The following BCL2 variants were observed in gnomAD, a reference collection of about 807,000 sequenced individuals.
The protein encoded by BCL2 is BCL2 apoptosis regulator, also known as apoptosis regulator Bcl-2.
BCL2 carries 1 observed loss-of-function variant against 14.2 expected under a neutral mutation model. The observed-to-expected ratio is 0.07, with a 90% CI of 0.02 to 0.33. The LOEUF (loss-of-function observed/expected upper bound fraction) is 0.33. Ranked by LOEUF, BCL2 falls within the 10% of genes least tolerant of loss-of-function variation. The probability of loss-of-function intolerance (pLI) is 0.99; values close to 1 mark genes in which losing one functional copy is unlikely to be tolerated. For missense variants in BCL2, 247 were observed against 305.9 expected (o/e 0.81, Z 1.44); for synonymous variants, 151 against 137.2 (o/e 1.10, Z -0.70).
intron 2 of BCL2, among the ~76,000 whole-genome samples, chr18:63,299,868 A>C (rs1912910269): frequency 6.8e-6 from 1 of 147,244 alleles, no homozygotes; most frequent in Non-Finnish European, 1.5e-5. Context: ...GCCAAACGGC[A>C]CCTTCTCTGT....
chr18:63,237,436 C>T (rs1054713683), intron 2 of BCL2, among the ~76,000 whole-genome samples: 2 of 152,202 alleles, frequency 1.3e-5, no homozygotes, highest in Admixed American at 1.3e-4. Context: ...GATCGCATGT[C>T]TGAGATGATT....
At chr18:63,159,339 CA>C (rs1218402819) in intron 2 of BCL2, among the ~76,000 whole-genome samples, 2 of 152,332 alleles carry the variant, frequency 1.3e-5, no homozygotes, top group African/African-American at 4.8e-5. Flanking sequence ...AAGACATCAA[CA>C]TTAACTCTGT....
At chr18:63,138,534 C>G (rs1914270974) in intron 2 of BCL2, among the ~76,000 whole-genome samples, 1 of 152,250 alleles carries the variant, frequency 6.6e-6, no homozygotes, top group Admixed American at 6.5e-5. Context: ...ACACAGCTGC[C>G]TGGGCCGGAG....
chr18:63,275,520 A>G (rs902761945), intron 2 of BCL2, among the ~76,000 whole-genome samples: 2 of 152,220 alleles, frequency 1.3e-5, no homozygotes, highest in African/African-American at 4.8e-5. Flanking sequence ...CACAGCCGTG[A>G]CCCTTTTCTT....
At chr18:63,247,163 C>T (rs893805822) in intron 2 of BCL2, among the ~76,000 whole-genome samples, 1 of 151,620 alleles carries the variant, frequency 6.6e-6, no homozygotes, top group Non-Finnish European at 1.5e-5. Flanking sequence ...AGTACACATA[C>T]ACACGCACAT....
At chr18:63,196,453 T>C (rs1357668784) in intron 2 of BCL2, among the ~76,000 whole-genome samples, 1 of 152,178 alleles carries the variant, frequency 6.6e-6, no homozygotes, top group Admixed American at 6.5e-5. Context: ...CTTAGTCACT[T>C]GGTTACTAAA....
chr18:63,189,440 G>T (rs1267207829), intron 2 of BCL2, among the ~76,000 whole-genome samples: 5 of 152,080 alleles, frequency 3.3e-5, no homozygotes, highest in African/African-American at 7.2e-5. Context: ...CCTAGGTTAG[G>T]TATATCAAGT....
intron 2 of BCL2, among the ~76,000 whole-genome samples, chr18:63,281,262 T>C (rs1912299824): frequency 6.6e-6 from 1 of 152,160 alleles, no homozygotes; most frequent in African/African-American, 2.4e-5. Context: ...GATGGATGCA[T>C]GACATTGTGA....
chr18:63,255,643 G>A (rs988172154), intron 2 of BCL2, among the ~76,000 whole-genome samples: 1 of 152,054 alleles, frequency 6.6e-6, no homozygotes, highest in Non-Finnish European at 1.5e-5. Flanking sequence ...CTAAACTTGG[G>A]CTACTCACTT....
chr18:63,170,654 C>T (rs749482034), intron 2 of BCL2, among the ~76,000 whole-genome samples: 1 of 152,206 alleles, frequency 6.6e-6, no homozygotes, highest in Non-Finnish European at 1.5e-5. Flanking sequence ...TATCCTTCTG[C>T]AAATTTTCCT....
intron 2 of BCL2, among the ~76,000 whole-genome samples, chr18:63,156,797 A>G (rs532699484): frequency 1.3e-5 from 2 of 152,106 alleles, no homozygotes; most frequent in African/African-American, 4.8e-5. Context: ...GGGACTCCAC[A>G]CCCAAAGCCC....
intron 2 of BCL2, among the ~76,000 whole-genome samples, chr18:63,212,609 G>A (rs1910065321): frequency 6.6e-6 from 1 of 151,914 alleles, no homozygotes; most frequent in Non-Finnish European, 1.5e-5. Flanking sequence ...GGGTGCGGTG[G>A]CTCACAACTG....
At chr18:63,133,654 A>G (rs17070714) in intron 2 of BCL2, among the ~76,000 whole-genome samples, 1,992 of 152,234 alleles carry the variant, frequency 0.013, 39 homozygotes, top group African/African-American at 0.045. Context: ...ATTGTCAAGA[A>G]TGGAAGAGAA....
chr18:63,268,070 C>T (rs371021440), intron 2 of BCL2, among the ~76,000 whole-genome samples: 2 of 152,346 alleles, frequency 1.3e-5, no homozygotes, highest in East Asian at 1.9e-4. Context: ...TCACGCATGG[C>T]GGAAGCCACT....
chr18:63,214,344 C>T (rs886598995), intron 2 of BCL2, among the ~76,000 whole-genome samples: 1 of 152,220 alleles, frequency 6.6e-6, no homozygotes, highest in African/African-American at 2.4e-5. Context: ...CGGTGCAGCT[C>T]GGAAGATGGC....
intron 2 of BCL2, among the ~76,000 whole-genome samples, chr18:63,210,813 C>T (rs1254766062): frequency 2.0e-5 from 3 of 152,110 alleles, no homozygotes; most frequent in African/African-American, 7.2e-5. Flanking sequence ...TGGTTGCTTG[C>T]AGCTTAGCCC....
chr18:63,176,589 CTTTT>C (rs1324381470), intron 2 of BCL2, among the ~76,000 whole-genome samples: 1 of 152,112 alleles, frequency 6.6e-6, no homozygotes, highest in Non-Finnish European at 1.5e-5. Flanking sequence ...CAGTAATAGT[CTTTT>C]CTTTCTTTTT....
At chr18:63,229,195 TA>T (rs1206279940) in intron 2 of BCL2, among the ~76,000 whole-genome samples, 1 of 152,148 alleles carries the variant, frequency 6.6e-6, no homozygotes, top group Non-Finnish European at 1.5e-5. Flanking sequence ...ATTTATATTT[TA>T]TTTTTTATGT....
intron 2 of BCL2, among the ~76,000 whole-genome samples, chr18:63,210,255 G>A (rs566284023): frequency 3.7e-4 from 57 of 152,308 alleles, no homozygotes; most frequent in Non-Finnish European, 5.7e-4. Context: ...TACAAGGGAC[G>A]AAAAGCAAAT....
Sources: gnomAD v4.1 joint callset for allele counts (sites outside exome capture counted in the v4.1 genomes callset) on GRCh38, gnomAD v4.1.1 for gene constraint, MANE v1.5 for transcripts, NCBI Gene and HGNC (gene_info 2026-07-23, HGNC 2026-07-21) for gene names.